A1BG: variants seen among roughly 807,000 people sequenced by gnomAD.
The protein encoded by A1BG is alpha-1-B glycoprotein, also known as alpha-1B-glycoprotein.
Under a neutral mutation model 46.0 loss-of-function variants are expected in A1BG, and 44 were observed. That is an observed-to-expected ratio of 0.96 (90% CI 0.75 to 1.23). The LOEUF is 1.23. Ranked by LOEUF, A1BG falls within the 50% of genes most tolerant of loss-of-function variation. The probability of loss-of-function intolerance (pLI) is 0.00; values close to 1 mark genes in which losing one functional copy is unlikely to be tolerated. For synonymous variants in A1BG, 316 were observed against 314.7 expected, an observed-to-expected ratio of 1.00 and a Z score of -0.04; for missense variants, 707 against 688.8, an observed-to-expected ratio of 1.03 and a Z score of -0.30.
rs767668420 is a variant in A1BG, at chr19:58,353,468, G to A, written c.-31C>T. ...TCGCGCTCACTCCGGTGCAGTGAGT[G>A]TCTGGGGTGAGCGTCTGCAGCAATG... On this transcript the variant is annotated 5_prime_UTR_variant, in exon 1 of 8. Transcript: ENST00000263100. The A allele has an allele frequency of 3.1e-6, 5 of 1,595,322 alleles. No homozygotes were observed. Among genetic ancestry groups the A allele is most frequent in the Non-Finnish European group, 3.4e-6 (4 of 1,170,640 alleles).
Position 58,350,533 on chromosome 19 carries a change from C to T in A1BG, c.1029G>A (p.Gly343=), listed in dbSNP as rs1387244381. 5.8e-6 allele frequency: 9 copies of T among 1,550,008 alleles called. No homozygotes were observed. The highest frequency in any genetic ancestry group is 7.8e-6 in the Non-Finnish European group (9 of 1,147,040). The change falls in exon 6 of 8, where the codon GGG becomes GGA. Residue 343 remains glycine, a synonymous_variant. Coordinates refer to ENST00000263100, the MANE Select transcript of A1BG (RefSeq NM_130786.4). ...GGCTCTGGAAACGGTGCACGCGGCG[C>T]CCGCCCCTGTCCTCGCGCACCAGGG... ...RFALVREDRG[G]RRVHRFQSPA...
At position 58,346,718 on chromosome 19, in the gene A1BG, CAAAAAAG is replaced by C; in HGVS notation, c.*297_*303del. 6.4e-6 allele frequency: 3 copies of C among 471,696 alleles called. No individual in the cohort carries two copies. In the South Asian group the frequency reaches 6.5e-5, roughly 10 times the overall value. The allele number at this position is 471,696 out of a possible 1,614,324, so 29.2% of individuals were successfully genotyped here. A position where few individuals can be genotyped will look rare whatever the true frequency, so the allele number is the denominator to read the frequency against. On this transcript the variant is annotated 3_prime_UTR_variant, in exon 8 of 8. Transcript: ENST00000263100. ...TGGGTGACAGTGTGAGACCCTGTCT[CAAAAAAG>C]AAAAAAGAAAAGAAAACTGTGCTCT...
At position 58,346,948 on chromosome 19, in the gene A1BG, AGGAGG is replaced by A; in HGVS notation, c.*69_*73del. On this transcript the variant is annotated 3_prime_UTR_variant, in exon 8 of 8. Transcript: ENST00000263100. ...AGAGACCCCGGCCTTGTGCTGCAAC[AGGAGG>A]GGAGGGAGCCAGTCCAGAATCCCCG... The A allele has an allele frequency of 6.5e-7, 1 of 1,543,604 alleles. No homozygotes were observed. Among genetic ancestry groups the A allele is most frequent in the South Asian group, 1.1e-5 (1 of 89,676 alleles).
At chr19:58,350,300 A>T (rs1237060094) in intron 6 of A1BG, 70 bp downstream of exon 6, 1 of 1,456,464 alleles carries the variant, frequency 6.9e-7, no homozygotes, top group Non-Finnish European at 9.1e-7. Context: ...CCAAGGAAAG[A>T]GGGGAAAGAC....
At chr19:58,351,288 G>T in intron 5 of A1BG, 103 bp downstream of exon 5, 2 of 1,438,810 alleles carry the variant, frequency 1.4e-6, no homozygotes, top group Non-Finnish European at 1.9e-6. Context: ...GTTGGTATTG[G>T]ACCCTGGCCC....
intron 6 of A1BG, 36 bp from the exon 7 acceptor site, chr19:58,347,676 G>A (rs1466828660): frequency 5.4e-6 from 7 of 1,296,444 alleles, no homozygotes; most frequent in Non-Finnish European, 6.7e-6. Flanking sequence ...GCCAGGCCAC[G>A]CCCCAGGCCA....
Position 58,353,278 on chromosome 19 carries a change from A to G in A1BG, c.70+14T>C, listed in dbSNP as rs905728131. The G allele has an allele frequency of 1.2e-6, 2 of 1,613,436 alleles. No individual in the cohort carries two copies. The highest frequency in any genetic ancestry group is 1.3e-5 in the African/African-American group (1 of 74,850). ...CCTGGGCCCACCATTCCCAGACCTC[A>G]CCCCTGCACTCACATATGGCTGCTT... On this transcript the variant is annotated intron_variant, in intron 2 of 7. Transcript: ENST00000263100.
At chr19:58,347,703 C>T (rs970090733) in intron 6 of A1BG, 63 bp from the exon 7 acceptor site, 1 of 1,213,460 alleles carries the variant, frequency 8.2e-7, no homozygotes, top group Non-Finnish European at 1.1e-6. Context: ...AGGCCACACC[C>T]CAGGCCACAC....
Position 58,353,444 on chromosome 19 carries a change from C to G in A1BG, c.-7G>C. Reference sequence around the variant, plus strand: ...AGACCACGAGCATGGACATGATGGTCGCGCTCACTCCGGTGCAGTGAGTGT... The same window carrying G: ...AGACCACGAGCATGGACATGATGGTGGCGCTCACTCCGGTGCAGTGAGTGT... On this transcript the variant is annotated 5_prime_UTR_variant, in exon 1 of 8. Transcript: ENST00000263100. 1 of 1,608,242 alleles carries G rather than the reference C, an allele frequency of 6.2e-7. No homozygotes were observed. Among genetic ancestry groups the G allele is most frequent in the Non-Finnish European group, 8.5e-7 (1 of 1,177,312 alleles).
intron 6 of A1BG, chr19:58,348,454 A>C (rs1036504368): frequency 1.3e-5 from 2 of 152,276 alleles, no homozygotes; most frequent in Admixed American, 6.5e-5. Flanking sequence ...AATGAAGTAC[A>C]TGTAAGTGCT....
intron 6 of A1BG, 109 bp from the exon 7 acceptor site, chr19:58,347,749 C>G (rs1288250786): frequency 6.2e-6 from 4 of 643,006 alleles, no homozygotes; most frequent in Non-Finnish European, 8.8e-6. Context: ...TCAGCCCCGG[C>G]TTCATCTTCC....
chr19:58,347,151 C>G, intron 7 of A1BG, 122 bp from the exon 8 acceptor site: 1 of 1,390,418 alleles, frequency 7.2e-7, no homozygotes, highest in African/African-American at 1.4e-5. Flanking sequence ...CGGCTGCCAG[C>G]CGAGACCCCC....
chr19:58,350,645 A>G lies in A1BG; in HGVS notation c.917T>C (p.Leu306Pro), dbSNP rs1649931686. Residue 306 changes from leucine to proline, a missense_variant, in exon 6 of 8, where the codon CTG becomes CCG. Transcript: ENST00000263100. ...CTCCGGGGAGAACTCCGGCGCGGGC[A>G]GCGTCTCTGCGGAGCAGCACACGGG... ...PVELILSDET[L>P]PAPEFSPEPE... is the part of the protein sequence containing the mutation. The G allele has an allele frequency of 1.4e-6, 2 of 1,409,650 alleles. No homozygotes were observed. Among genetic ancestry groups the G allele is most frequent in the Admixed American group, 3.3e-5 (1 of 30,684 alleles). 87.3% of individuals were successfully genotyped at this position (1,409,650 alleles called of 1,614,324 possible).
At position 58,353,319 on chromosome 19, in the gene A1BG, AGGTGACACCTGC is replaced by A. The variant is rs1481512424; in HGVS notation, c.35-4_42del. The A allele has an allele frequency of 6.2e-7, 1 of 1,612,418 alleles. No homozygotes were observed. The highest frequency in any genetic ancestry group is 2.2e-5 in the East Asian group (1 of 44,846). ...ATGGCTGCTTCTGTCACTGGGCCCCAGGTGACACCTGCGGAGACAGCCCCCGTAAGGCTCCTG... is the reference window on the plus strand; with the variant it reads ...ATGGCTGCTTCTGTCACTGGGCCCCAGGAGACAGCCCCCGTAAGGCTCCTG... On this transcript the variant is annotated splice_acceptor_variant and splice_polypyrimidine_tract_variant and coding_sequence_variant and intron_variant, in exon 2 of 8. Coordinates refer to ENST00000263100, the MANE Select transcript of A1BG (RefSeq NM_130786.4). LOFTEE classifies it high-confidence loss of function.
At position 58,353,045 on chromosome 19, in the gene A1BG, G is replaced by A. The variant is rs747489806; in HGVS notation, c.223C>T (p.Pro75Ser). 2 of 1,614,048 alleles carry A rather than the reference G, an allele frequency of 1.2e-6. No individual in the cohort carries two copies. The highest frequency in any genetic ancestry group is 1.7e-6 in the Non-Finnish European group (2 of 1,180,026). ...AGCAGGAACTGGTGCTTGATGGCAG[G>A]TGAGTCAAGGTGCACAGGCTCCTGG... ...VAQEPVHLDS[P>S]AIKHQFLLTG... Residue 75 changes from proline (P) to serine (S), a missense_variant, in exon 3 of 8, where the codon CCT becomes TCT. Coordinates refer to ENST00000263100, the MANE Select transcript of A1BG (RefSeq NM_130786.4).
At position 58,346,955 on chromosome 19, in the gene A1BG, GA is replaced by G; in HGVS notation, c.*66del. On this transcript the variant is annotated 3_prime_UTR_variant, in exon 8 of 8. Transcript: ENST00000263100. Reference sequence around the variant, plus strand: ...CCGGCCTTGTGCTGCAACAGGAGGGGAGGGAGCCAGTCCAGAATCCCCGGCA... The same window carrying G: ...CCGGCCTTGTGCTGCAACAGGAGGGGGGGAGCCAGTCCAGAATCCCCGGCA... 6.3e-7 allele frequency: 1 copy of G among 1,582,042 alleles called. No individual in the cohort carries two copies. The highest frequency in any genetic ancestry group is 1.1e-5 in the South Asian group (1 of 90,410).
At position 58,350,337 on chromosome 19, in the gene A1BG, G is replaced by A; in HGVS notation, c.1192+33C>T. The A allele has an allele frequency of 2.6e-6, 4 of 1,519,270 alleles. No individual in the cohort carries two copies. The South Asian group carries it at 4.9e-5, about 19-fold the overall frequency. 94.1% of individuals were successfully genotyped at this position (1,519,270 alleles called of 1,614,324 possible). ...GGAGGCCCCGAGGGGCACTGAACCC[G>A]CGCCCGCCCTCGCTGGTGCCCCGCC... On this transcript the variant is annotated intron_variant, in intron 6 of 7. Transcript: ENST00000263100.
At chr19:58,353,383 C>G (rs370525596) in intron 1 of A1BG, 21 bp downstream of exon 1, 2 of 1,612,380 alleles carry the variant, frequency 1.2e-6, no homozygotes, top group African/African-American at 2.7e-5. Flanking sequence ...CCCCAGGGAC[C>G]CAGACCCCAG....
Position 58,347,547 on chromosome 19 carries a change from T to G in A1BG, c.1286A>C (p.Asp429Ala), listed in dbSNP as rs1206057499. The change falls in exon 7 of 8, where the codon GAC becomes GCC. Residue 429 changes from aspartate to alanine, a missense_variant. Coordinates refer to ENST00000263100, the MANE Select transcript of A1BG (RefSeq NM_130786.4). The part of the protein sequence containing the change: ...AVLRCEGPIP[D>A]VTFELLREGE... ...CTCGCGCAGCAGCTCGAAGGTGACG[T>G]CGGGGATGGGTCCCTCGCAGCGCAG... is the stretch of plus-strand genomic sequence containing the variant. The G allele has an allele frequency of 1.9e-6, 3 of 1,568,856 alleles. No individual in the cohort carries two copies. Among genetic ancestry groups the G allele is most frequent in the Non-Finnish European group, 2.6e-6 (3 of 1,160,166 alleles).
Sources: allele counts gnomAD v4.1 joint callset, GRCh38; gene constraint gnomAD v4.1.1; transcripts MANE v1.5; gene names NCBI Gene and HGNC (gene_info 2026-07-23, HGNC 2026-07-21).